Variants in TRIM4 observed in about 807,000 individuals in gnomAD.
The protein encoded by TRIM4 is E3 ubiquitin-protein ligase TRIM4.
TRIM4 carries 29 observed loss-of-function variants against 33.7 expected under a neutral mutation model. That is an observed-to-expected ratio of 0.86 (90% confidence interval 0.64 to 1.17). The LOEUF is 1.17. TRIM4 is among the 50% of genes most tolerant of loss of function. TRIM4 has a pLI of 0.00. For missense variants in TRIM4, 554 were observed against 593.7 expected (o/e 0.93, Z 0.69); for synonymous variants, 224 against 233.0 (o/e 0.96, Z 0.35).
chr7:99,892,768 A>G, intron 5 of TRIM4, 22 bp from the exon 6 acceptor site: 2 of 1,584,950 alleles, frequency 1.3e-6, no homozygotes, highest in Non-Finnish European at 1.7e-6. Flanking sequence ...ATGAGAGCTA[A>G]GTAGTGCAGC....
intron 5 of TRIM4, among the ~76,000 whole-genome samples, chr7:99,895,506 A>C (rs1264174084): frequency 6.6e-6 from 1 of 152,204 alleles, no homozygotes; most frequent in Non-Finnish European, 1.5e-5. Flanking sequence ...ACACTGAAAA[A>C]AATATGTAGT....
intron 1 of TRIM4, among the ~76,000 whole-genome samples, chr7:99,918,078 C>T (rs1182224479): frequency 6.6e-6 from 1 of 152,126 alleles, no homozygotes; most frequent in Non-Finnish European, 1.5e-5. Flanking sequence ...GTAACAAAAC[C>T]CAGCCTCATC....
intron 1 of TRIM4, 101 bp downstream of exon 1, chr7:99,918,908 G>C: frequency 7.3e-7 from 1 of 1,364,822 alleles, no homozygotes; most frequent in Non-Finnish European, 9.6e-7. Context: ...CATGCTTCCA[G>C]TAGGAATGAC....
Position 99,912,858 on chromosome 7 carries a change from C to T in TRIM4, c.394-3198G>A, listed in dbSNP as rs1187185803. Among the ~76,000 whole-genome samples the T allele has an allele frequency of 2.0e-5, 3 of 152,180 alleles. 1 individual carries two copies. Among genetic ancestry groups the T allele is most frequent in the Admixed American group, 2.0e-4 (3 of 15,284 alleles). On this transcript the variant is annotated intron_variant, in intron 1 of 5. Transcript: ENST00000349062. ...GTTAAATGGCACAATACCATCTGTG[C>T]TATTCTGTTTCTACCATGATGTTTC...
At position 99,919,289 on chromosome 7, in the gene TRIM4, C is replaced by G. The variant is rs751859923; in HGVS notation, c.113G>C (p.Arg38Pro). ...CGGGCCGCCGCCCGGCGCCCAGTTG[C>G]GGTGCAGGCAGCCGCGGCAGAAGTT... ...GHNFCRGCLH[R>P]NWAPGGGPFP... Residue 38 changes from arginine (R) to proline (P), a missense_variant, in exon 1 of 6, where the codon CGC becomes CCC. Around this residue, in one of 3 missense-constraint regions of TRIM4, gnomAD observed 233 missense variants for 203.1 expected, o/e 1.15. Transcript: ENST00000349062. 1.5e-5 allele frequency: 24 copies of G among 1,551,674 alleles called. No individual in the cohort carries two copies. The African/African-American group carries it at 2.9e-4, about 19-fold the overall frequency.
At chr7:99,895,769 C>T (rs1819003713) in intron 5 of TRIM4, among the ~76,000 whole-genome samples, 1 of 152,208 alleles carries the variant, frequency 6.6e-6, no homozygotes, top group Admixed American at 6.5e-5. Context: ...GAACTGACCA[C>T]TTTATCATTA....
intron 1 of TRIM4, chr7:99,916,600 A>T (rs1390668897): frequency 2.8e-6 from 2 of 721,282 alleles, no homozygotes; most frequent in Non-Finnish European, 5.1e-6. Context: ...TCTCTCACCC[A>T]CCAAGTCTAA....
In TRIM4 at chr7:99,892,097, G is replaced by A; in HGVS notation, c.*66C>T. On this transcript the variant is annotated 3_prime_UTR_variant, in exon 6 of 6. Coordinates refer to ENST00000349062, the MANE Select transcript of TRIM4 (RefSeq NM_033091.3). ...GATAGAGACATGAAGGGCAGAAGAG[G>A]GCCCAGGGATGTGTGTCCCTCAGCT... 7.2e-7 allele frequency: 1 copy of A among 1,385,138 alleles called. No individual in the cohort carries two copies. Among genetic ancestry groups the A allele is most frequent in the Non-Finnish European group, 9.8e-7 (1 of 1,021,662 alleles). 85.8% of individuals were successfully genotyped at this position (1,385,138 alleles called of 1,614,324 possible). A position where few individuals can be genotyped will look rare whatever the true frequency, so the allele number is the denominator to read the frequency against.
rs1388094380 is a variant in TRIM4 at position 99,891,489 on chromosome 7, T to C, written c.*674A>G. On this transcript the variant is annotated 3_prime_UTR_variant, in exon 6 of 6. Coordinates refer to ENST00000349062, the MANE Select transcript of TRIM4 (RefSeq NM_033091.3). ...CAGTTAATAGCTGAGGGCAGAGTTA[T>C]GGTTGGGAAGAGAGAGAGTGCAACA... 2.0e-5 allele frequency: 3 copies of C among 152,318 alleles called. No homozygotes were observed. Among genetic ancestry groups the C allele is most frequent in the Admixed American group, 6.5e-5 (1 of 15,288 alleles). 9.4% of individuals were successfully genotyped at this position (152,318 alleles called of 1,614,324 possible). A position where few individuals can be genotyped will look rare whatever the true frequency, so the allele number is the denominator to read the frequency against.
At chr7:99,896,961 A>T (rs1819029267) in intron 5 of TRIM4, among the ~76,000 whole-genome samples, 1 of 152,252 alleles carries the variant, frequency 6.6e-6, no homozygotes, top group African/African-American at 2.4e-5. Flanking sequence ...TGTACCACTT[A>T]CAAGATGAGC....
intron 5 of TRIM4, chr7:99,902,265 G>C: frequency 1.4e-6 from 1 of 703,720 alleles, no homozygotes; most frequent in East Asian, 2.6e-5. Context: ...TTTGTTTTTT[G>C]AGACAGAGTC....
At chr7:99,906,053 G>C (rs1056147672) in intron 3 of TRIM4, among the ~76,000 whole-genome samples, 22 of 152,136 alleles carry the variant, frequency 1.4e-4, no homozygotes, top group Non-Finnish European at 2.6e-4. Flanking sequence ...GCTGAGCCCA[G>C]AGAATAGCTT....
At chr7:99,900,739 A>G (rs1216599494) in intron 5 of TRIM4, among the ~76,000 whole-genome samples, 1 of 152,166 alleles carries the variant, frequency 6.6e-6, no homozygotes, top group Non-Finnish European at 1.5e-5. Context: ...CTCTAGGTTA[A>G]CAGTTTTTTT....
chr7:99,908,530 G>T, intron 3 of TRIM4, 52 bp downstream of exon 3: 1 of 1,418,496 alleles, frequency 7.0e-7, no homozygotes, highest in South Asian at 1.3e-5. Context: ...CTAAAGACAA[G>T]AGAGAGTTCA....
rs144885495 is a variant in TRIM4, at chr7:99,899,186, C to T, written c.841+4032G>A. Among the ~76,000 whole-genome samples the T allele has an allele frequency of 4.1e-4, 62 of 152,254 alleles. No individual in the cohort carries two copies. In the East Asian group the frequency reaches 6.2e-3, roughly 15 times the overall value. Reference sequence around the variant, plus strand: ...TCTGAGCTAAAGAATCCAGGAGTGGCCAACCCAGAAATGCACTCCTCATCT... The same window carrying T: ...TCTGAGCTAAAGAATCCAGGAGTGGTCAACCCAGAAATGCACTCCTCATCT... On this transcript the variant is annotated intron_variant, in intron 5 of 5. Transcript: ENST00000349062.
rs1819367046 is a variant in TRIM4 at position 99,908,751 on chromosome 7, A to G, written c.551T>C (p.Leu184Pro). 6.2e-7 allele frequency: 1 copy of G among 1,614,056 alleles called. No individual in the cohort carries two copies. Among genetic ancestry groups the G allele is most frequent in the Non-Finnish European group, 8.5e-7 (1 of 1,180,040 alleles). The change falls in exon 3 of 6, where the codon CTG (leucine) becomes CCG (proline). Residue 184 changes from leucine (L) to proline (P), a missense_variant. Leu to Pro is a moderately conservative substitution (Grantham distance 98). Around this residue, in one of 3 missense-constraint regions of TRIM4, gnomAD observed 31 missense variants for 54.8 expected, o/e 0.57. Coordinates refer to ENST00000349062, the MANE Select transcript of TRIM4 (RefSeq NM_033091.3). ...AAGAAACAGGTCCTCTTCTTCAACC[A>G]GGAAGTTGTGCAGCTTTGAAAACTC... The part of the protein sequence containing the change: ...STEFSKLHNF[L>P]VEEEDLFLQR...
At chr7:99,907,974 T>A (rs1391672143) in intron 3 of TRIM4, among the ~76,000 whole-genome samples, 1 of 152,104 alleles carries the variant, frequency 6.6e-6, no homozygotes, top group Non-Finnish European at 1.5e-5. Context: ...AAAGAAGCTA[T>A]AAGGACACTT....
chr7:99,901,877 T>C, intron 5 of TRIM4: 1 of 533,046 alleles, frequency 1.9e-6, no homozygotes. Flanking sequence ...TCTCTCTGTG[T>C]CCGGCTCTCT....
chr7:99,904,636 T>C (rs982258183), intron 3 of TRIM4, among the ~76,000 whole-genome samples: 2 of 152,220 alleles, frequency 1.3e-5, no homozygotes, highest in African/African-American at 4.8e-5. Context: ...GGGAACTCTG[T>C]CCCATCTTCT....
Sources: gnomAD v4.1 joint callset for allele counts (sites outside exome capture counted in the v4.1 genomes callset) on GRCh38, gnomAD v4.1.1 for gene constraint, gnomAD v4.1.1 regional missense constraint, MANE v1.5 for transcripts, NCBI Gene and HGNC (gene_info 2026-07-23, HGNC 2026-07-21) for gene names.